HOXA9: variants seen among roughly 807,000 people sequenced by gnomAD.
HOXA9 encodes the protein homeobox protein Hox-A9.
Under a neutral mutation model 19.0 loss-of-function variants are expected in HOXA9, and 18 were observed. The observed-to-expected ratio is 0.95, with a 90% CI of 0.65 to 1.40. The LOEUF (loss-of-function observed/expected upper bound fraction) is 1.40. Ranked by LOEUF, HOXA9 falls within the 40% of genes most tolerant of loss-of-function variation. The pLI is 0.00. For missense variants in HOXA9, 443 were observed against 372.2 expected (o/e 1.19, Z -1.57); for synonymous variants, 198 against 161.1 (o/e 1.23, Z -1.73).
chr7:27,164,850 G>T, intron 1 of HOXA9, 28 bp downstream of exon 1: 1 of 1,593,674 alleles, frequency 6.3e-7, no homozygotes, highest in African/African-American at 1.3e-5. Context: ...TGGAGGCGGC[G>T]GCGGATTTGA....
rs1335123044 is a variant in HOXA9 at position 27,165,090 on chromosome 7, C to G, written c.368G>C (p.Gly123Ala). 6.2e-7 allele frequency: 1 copy of G among 1,613,256 alleles called. No individual in the cohort carries two copies. The highest frequency in any genetic ancestry group is 8.5e-7 in the Non-Finnish European group (1 of 1,179,722). Residue 123 changes from glycine (G) to alanine (A), a missense_variant, in exon 1 of 2, where the codon GGC becomes GCC. Physicochemically the swap from Gly to Ala is moderately conservative, Grantham distance 60. Coordinates refer to ENST00000343483, the MANE Select transcript of HOXA9 (RefSeq NM_152739.4). The part of the protein sequence containing the change: ...EPTPGALSFA[G>A]LPSSRPYGIK... ...GCCATAAGGCCGGCTGGAGGGCAAG[C>G]CCGCGAAGGAGAGCGCACCGGGCGT...
intron 1 of HOXA9, 23 bp downstream of exon 1, chr7:27,164,855 A>T: frequency 6.3e-7 from 1 of 1,599,314 alleles, no homozygotes; most frequent in South Asian, 1.1e-5. Flanking sequence ...GCGGCGGCGG[A>T]TTTGAAGGGA....
intron 1 of HOXA9, among the ~76,000 whole-genome samples, chr7:27,164,377 C>A (rs1783270377): frequency 6.6e-6 from 1 of 152,214 alleles, no homozygotes; most frequent in Non-Finnish European, 1.5e-5. Flanking sequence ...CATGGGGACC[C>A]TTGTGGCCCG....
rs1333304736 is a variant in HOXA9 at position 27,163,775 on chromosome 7, T to G, written c.647A>C (p.His216Pro). ...CTCTTTCTCCAGTTCCAGGGTCTGG[T>G]GTTTTGTATAGGGGCACCGCTTTTT... Reference protein sequence around the residue: ...TRKKRCPYTKHQTLELEKEFL... With the variant: ...TRKKRCPYTKPQTLELEKEFL... The change falls in exon 2 of 2, where the codon CAC becomes CCC. Residue 216 changes from histidine (H) to proline (P), a missense_variant. Transcript: ENST00000343483. 1 of 1,613,960 alleles carries G rather than the reference T, an allele frequency of 6.2e-7. No homozygotes were observed. The highest frequency in any genetic ancestry group is 1.1e-5 in the South Asian group (1 of 91,062).
In HOXA9 at chr7:27,163,577, T is replaced by G; in HGVS notation, c.*26A>C. ...CTTTCTTTTTCTCTCTAGCTTACCC[T>G]TTTTTCTAAATAAGCCCAAATGGCA... On this transcript the variant is annotated 3_prime_UTR_variant, in exon 2 of 2. Coordinates refer to ENST00000343483, the MANE Select transcript of HOXA9 (RefSeq NM_152739.4). 6.4e-7 allele frequency: 1 copy of G among 1,556,656 alleles called. No homozygotes were observed. Among genetic ancestry groups the G allele is most frequent in the Non-Finnish European group, 8.8e-7 (1 of 1,132,108 alleles).
In HOXA9 at chr7:27,165,211, A is replaced by T; in HGVS notation, c.247T>A (p.Tyr83Asn). ...TAGGGGTGGTGGTGATGGTGGTGGT[A>T]CACCGCAGCGGGTACAGCGTTGGCG... ...AGANAVPAAV[Y>N]HHHHHHPYVH... The change falls in exon 1 of 2, where the codon TAC becomes AAC. Residue 83 changes from tyrosine to asparagine, a missense_variant. Tyr to Asn is a moderately radical substitution (Grantham distance 143, BLOSUM62 -2). Transcript: ENST00000343483. The T allele has an allele frequency of 6.3e-7, 1 of 1,585,540 alleles. No individual in the cohort carries two copies. Among genetic ancestry groups the T allele is most frequent in the Non-Finnish European group, 8.6e-7 (1 of 1,167,290 alleles).
In HOXA9 at chr7:27,165,047, C is replaced by A. The variant is rs1272994644; in HGVS notation, c.411G>T (p.Leu137=). 2 of 1,614,054 alleles carry A rather than the reference C, an allele frequency of 1.2e-6. No individual in the cohort carries two copies. The highest frequency in any genetic ancestry group is 2.2e-5 in the South Asian group (2 of 91,088). Residue 137 remains leucine, a synonymous_variant, in exon 1 of 2, where the codon CTG becomes CTT. Coordinates refer to ENST00000343483, the MANE Select transcript of HOXA9 (RefSeq NM_152739.4). The part of the protein sequence containing the change: ...SRPYGIKPEP[L]SARRGDCPTL... ...TGGGACAGTCACCCCTTCTGGCCGA[C>A]AGCGGTTCAGGTTTAATGCCATAAG...
At position 27,165,183 on chromosome 7, in the gene HOXA9, ACGTAGGGGT is replaced by A. The variant is rs1422400535; in HGVS notation, c.266_274del (p.His89_Val92delinsLeu). 6.3e-7 allele frequency: 1 copy of A among 1,594,832 alleles called. No homozygotes were observed. The highest frequency in any genetic ancestry group is 1.7e-5 in the Admixed American group (1 of 58,052). On this transcript the variant is annotated inframe_deletion, in exon 1 of 2. Transcript: ENST00000343483. ...CGCCGCCACGGGCGCCTGGGGGTGCACGTAGGGGTGGTGGTGATGGTGGTGGTACACCGC... is the reference window on the plus strand; with the variant it reads ...CGCCGCCACGGGCGCCTGGGGGTGCAGGTGGTGATGGTGGTGGTACACCGC...
At chr7:27,164,183 T>C (rs1235272368) in intron 1 of HOXA9, among the ~76,000 whole-genome samples, 1 of 152,216 alleles carries the variant, frequency 6.6e-6, no homozygotes, top group Non-Finnish European at 1.5e-5. Context: ...GCATGCTGCC[T>C]TGTGTTCTGT....
At position 27,165,143 on chromosome 7, in the gene HOXA9, G is replaced by T. The variant is rs754905237; in HGVS notation, c.315C>A (p.Gly105=). ...QAPVAAAAPD[G]RYMRSWLEPT... ...GCTCCAGCCAGGAGCGCATGTACCT[G>T]CCGTCCGGCGCCGCCGCCGCCACGG... is the stretch of plus-strand genomic sequence containing the variant. The change falls in exon 1 of 2, where the codon GGC becomes GGA. Residue 105 remains glycine (G), a synonymous_variant. Coordinates refer to ENST00000343483, the MANE Select transcript of HOXA9 (RefSeq NM_152739.4). 6.3e-7 allele frequency: 1 copy of T among 1,598,040 alleles called. No homozygotes were observed. Among genetic ancestry groups the T allele is most frequent in the Non-Finnish European group, 8.5e-7 (1 of 1,172,254 alleles).
chr7:27,163,031 T>C lies in HOXA9; in HGVS notation c.*572A>G, dbSNP rs949659151. ...AGCTATACTCTATGCAACTGTTTTT[T>C]TCCCCTCATAAACAACCTGAGTTCA... On this transcript the variant is annotated 3_prime_UTR_variant, in exon 2 of 2. Coordinates refer to ENST00000343483, the MANE Select transcript of HOXA9 (RefSeq NM_152739.4). The C allele has an allele frequency of 4.8e-6, 1 of 206,596 alleles. No individual in the cohort carries two copies. The highest frequency in any genetic ancestry group is 9.9e-6 in the Non-Finnish European group (1 of 101,164). 12.8% of individuals were successfully genotyped at this position (206,596 alleles called of 1,614,324 possible).
chr7:27,165,446 A>G lies in HOXA9; in HGVS notation c.12T>C (p.Thr4=), dbSNP rs1300372806. The G allele has an allele frequency of 1.9e-6, 3 of 1,603,112 alleles. No homozygotes were observed. Among genetic ancestry groups the G allele is most frequent in the South Asian group, 1.1e-5 (1 of 90,250 alleles). MAT[T]GALGNYYVDS... ...CCACGTAGTAGTTGCCCAGGGCCCC[A>G]GTGGTGGCCATCACCGTGCCCAGCG... The change falls in exon 1 of 2, where the codon ACT becomes ACC. Residue 4 remains threonine, a synonymous_variant. Transcript: ENST00000343483.
chr7:27,165,461 C>T lies in HOXA9; in HGVS notation c.-4G>A, dbSNP rs2128069075. On this transcript the variant is annotated 5_prime_UTR_variant, in exon 1 of 2. Coordinates refer to ENST00000343483, the MANE Select transcript of HOXA9 (RefSeq NM_152739.4). ...CCAGGGCCCCAGTGGTGGCCATCAC[C>T]GTGCCCAGCGCCTGGCCCGCCCGGC... 2 of 1,586,858 alleles carry T rather than the reference C, an allele frequency of 1.3e-6. No homozygotes were observed. The highest frequency in any genetic ancestry group is 1.7e-6 in the Non-Finnish European group (2 of 1,170,648).
At position 27,165,245 on chromosome 7, in the gene HOXA9, G is replaced by A. The variant is rs931625677; in HGVS notation, c.213C>T (p.His71=). 16 of 1,561,792 alleles carry A rather than the reference G, an allele frequency of 1.0e-5. No homozygotes were observed. The African/African-American group carries it at 1.6e-4, about 16-fold the overall frequency. ...CGGGTACAGCGTTGGCGCCCGCCGC[G>A]TGCACTGGGTTCCACGAGGCGCCAA... is the stretch of plus-strand genomic sequence containing the variant. ...TVFGASWNPV[H]AAGANAVPAA... is the part of the protein sequence containing the mutation. Residue 71 remains histidine, a synonymous_variant, in exon 1 of 2, where the codon CAC becomes CAT. Coordinates refer to ENST00000343483, the MANE Select transcript of HOXA9 (RefSeq NM_152739.4).
At position 27,164,938 on chromosome 7, in the gene HOXA9, C is replaced by G; in HGVS notation, c.520G>C (p.Ala174Pro). ...TTCTCAGCATTGTTTTCAGAGAAGG[C>G]GCCTTCGCTGGGTTGTTTTTCTCTA... ...VDREKQPSEG[A>P]FSENNAENES... The change falls in exon 1 of 2, where the codon GCC becomes CCC. Residue 174 changes from alanine to proline, a missense_variant. By Grantham distance (27) the Ala-to-Pro change is conservative. Coordinates refer to ENST00000343483, the MANE Select transcript of HOXA9 (RefSeq NM_152739.4). The G allele has an allele frequency of 1.2e-6, 2 of 1,614,236 alleles. No individual in the cohort carries two copies. Among genetic ancestry groups the G allele is most frequent in the African/African-American group, 2.7e-5 (2 of 75,076 alleles).
Position 27,162,609 on chromosome 7 carries a change from C to A in HOXA9, c.*994G>T. 4.8e-6 allele frequency: 1 copy of A among 209,484 alleles called. No homozygotes were observed. The highest frequency in any genetic ancestry group is 9.7e-6 in the Non-Finnish European group (1 of 102,898). 13.0% of individuals were successfully genotyped at this position (209,484 alleles called of 1,614,324 possible). On this transcript the variant is annotated 3_prime_UTR_variant, in exon 2 of 2. Coordinates refer to ENST00000343483, the MANE Select transcript of HOXA9 (RefSeq NM_152739.4). ...ATCTACAGTAGCCCAATGGCGGTTT[C>A]ATAGTGTATAATTTATTATCAATAA...
At position 27,163,375 on chromosome 7, in the gene HOXA9, T is replaced by C. The variant is rs1783242539; in HGVS notation, c.*228A>G. The C allele has an allele frequency of 2.1e-5, 11 of 515,770 alleles. No homozygotes were observed. Among genetic ancestry groups the C allele is most frequent in the South Asian group, 2.1e-4 (7 of 33,452 alleles). 31.9% of individuals were successfully genotyped at this position (515,770 alleles called of 1,614,324 possible). A position where few individuals can be genotyped will look rare whatever the true frequency, so the allele number is the denominator to read the frequency against. ...CCCCCTCAACTTTTCCTTTTTCTTA[T>C]AGAAAATGGAAAGCTTACAATACCT... On this transcript the variant is annotated 3_prime_UTR_variant, in exon 2 of 2. Coordinates refer to ENST00000343483, the MANE Select transcript of HOXA9 (RefSeq NM_152739.4).
In HOXA9 at chr7:27,165,521, T is replaced by C. The variant is rs1003015066; in HGVS notation, c.-64A>G. The C allele has an allele frequency of 1.4e-6, 2 of 1,470,054 alleles. No individual in the cohort carries two copies. The highest frequency in any genetic ancestry group is 1.8e-6 in the Non-Finnish European group (2 of 1,115,288). 91.1% of individuals were successfully genotyped at this position (1,470,054 alleles called of 1,614,324 possible). A position where few individuals can be genotyped will look rare whatever the true frequency, so the allele number is the denominator to read the frequency against. On this transcript the variant is annotated 5_prime_UTR_variant, in exon 1 of 2. An upstream start codon of the reference 5' UTR is lost. Coordinates refer to ENST00000343483, the MANE Select transcript of HOXA9 (RefSeq NM_152739.4). ...GGAAATTATGAAACTGCAGATTTCA[T>C]GTAACAACTTGGTGGCACCGGGGGG...
chr7:27,164,063 C>T (rs922440121), intron 1 of HOXA9, among the ~76,000 whole-genome samples: 4 of 152,182 alleles, frequency 2.6e-5, no homozygotes, highest in African/African-American at 9.6e-5. Context: ...CCCTCCGAGA[C>T]CTTCCTTTCT....
Sources: allele counts gnomAD v4.1 joint callset (sites outside exome capture counted in the v4.1 genomes callset), GRCh38; gene constraint gnomAD v4.1.1; transcripts MANE v1.5; gene names NCBI Gene and HGNC (gene_info 2026-07-23, HGNC 2026-07-21).